Variants in DCAF1 observed in about 807,000 individuals in gnomAD.
The protein encoded by DCAF1 is DDB1 and CUL4 associated factor 1.
In DCAF1, 15 loss-of-function variants were observed where a neutral mutation model predicts 128.0. The observed-to-expected ratio is 0.12, with a 90% confidence interval of 0.08 to 0.18. The LOEUF (loss-of-function observed/expected upper bound fraction) is 0.18. DCAF1 is among the 10% of genes least tolerant of loss of function. DCAF1 has a pLI of 1.00. For synonymous variants in DCAF1, 610 were observed against 603.0 expected, an observed-to-expected ratio of 1.01 and a Z score of -0.17; for missense variants, 988 against 1,649.5, an observed-to-expected ratio of 0.60 and a Z score of 6.95.
chr3:51,414,330 T>A (rs1553629580), intron 19 of DCAF1, among the ~76,000 whole-genome samples: 1 of 152,194 alleles, frequency 6.6e-6, no homozygotes, highest in Non-Finnish European at 1.5e-5. Flanking sequence ...AGAGCAAAAG[T>A]AAAATCCTTC....
chr3:51,450,539 T>C (rs1318149881), intron 6 of DCAF1, among the ~76,000 whole-genome samples: 5 of 152,168 alleles, frequency 3.3e-5, no homozygotes, highest in Non-Finnish European at 7.3e-5. Context: ...ATAAACTAGA[T>C]TCTAGAAGGA....
Position 51,420,098 on chromosome 3 carries a change from T to C in DCAF1, c.2872A>G (p.Ser958Gly), listed in dbSNP as rs1699258614. ...GGTGATGGCCTCTCTCTGATAAAAC[T>C]GATTCTACCAATCAAAGGGGAGTTG... ...AGNSPLIGRI[S>G]FIRERPSPCN... The change falls in exon 15 of 25, where the codon AGT becomes GGT. Residue 958 changes from serine to glycine, a missense_variant. Ser to Gly is a moderately conservative substitution (Grantham distance 56, BLOSUM62 0). Coordinates refer to ENST00000684031, the MANE Select transcript of DCAF1 (RefSeq NM_001387579.1). The surrounding 1 kb of genome is among the most constrained non-coding windows in gnomAD (Gnocchi z 6.5). 2 of 1,613,936 alleles carry C rather than the reference T, an allele frequency of 1.2e-6. No homozygotes were observed. Among genetic ancestry groups the C allele is most frequent in the Non-Finnish European group, 1.7e-6 (2 of 1,179,918 alleles).
chr3:51,476,799 C>T (rs1553650693), intron 3 of DCAF1, among the ~76,000 whole-genome samples: 1 of 151,696 alleles, frequency 6.6e-6, no homozygotes, highest in African/African-American at 2.4e-5. Context: ...AGCGTGAACC[C>T]GGGAGGCGGA....
intron 2 of DCAF1, among the ~76,000 whole-genome samples, chr3:51,488,929 C>A (rs1707298268): frequency 6.6e-6 from 1 of 152,150 alleles, no homozygotes; most frequent in African/African-American, 2.4e-5. Context: ...AGCACCACTG[C>A]ATTCCAGTCT....
At chr3:51,436,560 A>AT in intron 9 of DCAF1, 1 of 377,372 alleles carries the variant, frequency 2.6e-6, no homozygotes, top group Non-Finnish European at 5.4e-6. Flanking sequence ...TAATTTTGAA[A>AT]TGAGTTCTAG....
chr3:51,436,550 T>C, intron 9 of DCAF1: 1 of 388,888 alleles, frequency 2.6e-6, no homozygotes, highest in South Asian at 1.9e-5. Context: ...TGTATACCAA[T>C]AATTTTGAAA....
chr3:51,462,074 TA>T (rs200221376), intron 6 of DCAF1, among the ~76,000 whole-genome samples: 60 of 145,046 alleles, frequency 4.1e-4, no homozygotes, highest in African/African-American at 1.2e-3. Context: ...ATAATAAAAT[TA>T]AAAAAAAAAG....
intron 2 of DCAF1, among the ~76,000 whole-genome samples, chr3:51,485,644 T>C (rs1311264854): frequency 6.6e-6 from 1 of 152,232 alleles, no homozygotes; most frequent in Non-Finnish European, 1.5e-5. Flanking sequence ...CAGGAATTAC[T>C]AGCTGATCTA....
intron 4 of DCAF1, among the ~76,000 whole-genome samples, chr3:51,468,050 A>G (rs1310362354): frequency 1.3e-5 from 2 of 152,224 alleles, no homozygotes; most frequent in Non-Finnish European, 2.9e-5. Context: ...CCCTAAAGAT[A>G]CAATAACCTT....
At chr3:51,454,992 G>T (rs947997383) in intron 6 of DCAF1, among the ~76,000 whole-genome samples, 4 of 152,058 alleles carry the variant, frequency 2.6e-5, no homozygotes, top group Non-Finnish European at 4.4e-5. Context: ...CCTAATTTTT[G>T]ATAGTTGAAG....
chr3:51,499,520 G>A (rs1261732612), intron 1 of DCAF1, among the ~76,000 whole-genome samples: 2 of 152,134 alleles, frequency 1.3e-5, no homozygotes, highest in African/African-American at 4.8e-5. Context: ...AGACTAGGAG[G>A]ATTGGAAGGA....
chr3:51,418,979 A>G, intron 15 of DCAF1, 103 bp from the exon 16 acceptor site: 1 of 1,416,526 alleles, frequency 7.1e-7, no homozygotes, highest in South Asian at 1.6e-5. Context: ...AATGTTTCAA[A>G]TGGCTTCTTC....
chr3:51,496,011 G>A (rs78556188), intron 2 of DCAF1, among the ~76,000 whole-genome samples: 1 of 151,624 alleles, frequency 6.6e-6, no homozygotes, highest in African/African-American at 2.4e-5. Flanking sequence ...AAAAAAAAAG[G>A]CCGGGCACAG....
chr3:51,425,601 T>TG (rs1559496896), intron 13 of DCAF1, among the ~76,000 whole-genome samples: 3 of 143,706 alleles, frequency 2.1e-5, no homozygotes, highest in Admixed American at 2.1e-4. Flanking sequence ...CTTGCTCTGT[T>TG]GCCCCGGCTA....
chr3:51,417,907 T>C (rs1699043892), intron 17 of DCAF1, among the ~76,000 whole-genome samples: 1 of 151,966 alleles, frequency 6.6e-6, no homozygotes, highest in Admixed American at 6.6e-5. Context: ...GTCTGCTGCA[T>C]AATGAGAATG....
At chr3:51,492,625 T>G (rs537623723) in intron 2 of DCAF1, among the ~76,000 whole-genome samples, 11 of 152,274 alleles carry the variant, frequency 7.2e-5, no homozygotes, top group Non-Finnish European at 1.6e-4. Flanking sequence ...CTAACATGAC[T>G]GTAGTTTAAG....
At chr3:51,472,270 TAACTC>T (rs1373590139) in intron 3 of DCAF1, among the ~76,000 whole-genome samples, 4 of 152,168 alleles carry the variant, frequency 2.6e-5, no homozygotes, top group Non-Finnish European at 5.9e-5. Flanking sequence ...ACAGTGCTAT[TAACTC>T]AGCTGGTAAC....
chr3:51,401,254 G>A (rs2089679056), intron 24 of DCAF1, among the ~76,000 whole-genome samples: 1 of 152,040 alleles, frequency 6.6e-6, no homozygotes, highest in African/African-American at 2.4e-5. Flanking sequence ...GTACGTGGGG[G>A]CGCATGGGTG....
At chr3:51,437,413 C>A in intron 9 of DCAF1, 1 of 512,420 alleles carries the variant, frequency 2.0e-6, no homozygotes, top group Non-Finnish European at 3.9e-6. Flanking sequence ...GATGACTAAG[C>A]TGATCTGAAT....
Sources: allele counts gnomAD v4.1 joint callset (sites outside exome capture counted in the v4.1 genomes callset), GRCh38; gene constraint gnomAD v4.1.1; non-coding constraint Gnocchi (gnomAD v3.1); transcripts MANE v1.5; gene names NCBI Gene and HGNC (gene_info 2026-07-23, HGNC 2026-07-21).